The following PRKCD variants were observed in gnomAD, a reference collection of about 807,000 sequenced individuals.
PRKCD encodes the protein protein kinase C delta type.
PRKCD carries 20 observed loss-of-function variants against 82.2 expected under a neutral mutation model. That is an observed-to-expected ratio of 0.24 (90% confidence interval 0.17 to 0.35). The LOEUF (loss-of-function observed/expected upper bound fraction) is 0.35, where lower values mean the gene tolerates loss of function less well. Among genes scored for constraint, PRKCD ranks in the 10% least tolerant of loss-of-function variants. The pLI, the probability that PRKCD is intolerant of heterozygous loss-of-function variation, is 1.00. For synonymous variants in PRKCD, 317 were observed against 337.0 expected (o/e 0.94, Z 0.65); for missense variants, 607 against 899.0 (o/e 0.68, Z 4.15).
chr3:53,163,143 G>C (rs1471106533), intron 1 of PRKCD, among the ~76,000 whole-genome samples: 1 of 152,080 alleles, frequency 6.6e-6, no homozygotes, highest in Non-Finnish European at 1.5e-5. Flanking sequence ...CCTGGCTGAT[G>C]GGTGGTGTGA....
intron 7 of PRKCD, among the ~76,000 whole-genome samples, 172 bp from the exon 8 acceptor site, chr3:53,182,949 A>G (rs1553668053): frequency 6.6e-6 from 1 of 152,098 alleles, no homozygotes; most frequent in African/African-American, 2.4e-5. Context: ...TCCTCCTTCG[A>G]GGGCTGGCAG....
intron 1 of PRKCD, among the ~76,000 whole-genome samples, chr3:53,164,351 G>A (rs1241464712): frequency 2.6e-5 from 4 of 152,194 alleles, no homozygotes; most frequent in Non-Finnish European, 5.9e-5. Flanking sequence ...TTGGGAAGCC[G>A]AGGCAGGTGG....
At chr3:53,186,361 C>T in intron 13 of PRKCD, 21 bp downstream of exon 13, 1 of 1,613,320 alleles carries the variant, frequency 6.2e-7, no homozygotes, top group Non-Finnish European at 8.5e-7. Context: ...CTCCTGCCGT[C>T]ACCACCCCAT....
chr3:53,171,448 GCCCCCAGC>G (rs1386626155), intron 2 of PRKCD, among the ~76,000 whole-genome samples: 5 of 152,196 alleles, frequency 3.3e-5, no homozygotes, highest in Admixed American at 3.3e-4. Context: ...CAGATCGAAG[GCCCCCAGC>G]CAACAGGTCC....
intron 1 of PRKCD, among the ~76,000 whole-genome samples, chr3:53,164,058 G>T (rs1425231284): frequency 6.6e-6 from 1 of 152,200 alleles, no homozygotes; most frequent in African/African-American, 2.4e-5. Flanking sequence ...TGGTGATGGG[G>T]GTCTCCAGCT....
In PRKCD at chr3:53,192,374, C is replaced by T; in HGVS notation, c.*108C>T. 1 of 1,369,862 alleles carries T rather than the reference C, an allele frequency of 7.3e-7. No homozygotes were observed. The highest frequency in any genetic ancestry group is 2.3e-5 in the East Asian group (1 of 43,228). 84.9% of individuals were successfully genotyped at this position (1,369,862 alleles called of 1,614,324 possible). A position where few individuals can be genotyped will look rare whatever the true frequency, so the allele number is the denominator to read the frequency against. On this transcript the variant is annotated 3_prime_UTR_variant, in exon 19 of 19. Transcript: ENST00000330452. ...ACTTCTGCTGCTGGCCCCGCCCCTG[C>T]CCCCAGAGCGTCCTTGGCTGCCGTC...
chr3:53,172,860 C>G (rs1703084944), intron 2 of PRKCD, among the ~76,000 whole-genome samples: 2 of 152,214 alleles, frequency 1.3e-5, no homozygotes, highest in Non-Finnish European at 2.9e-5. Context: ...GCTTACTCCT[C>G]TGACCAACAG....
At position 53,178,524 on chromosome 3, in the gene PRKCD, G is replaced by C; in HGVS notation, c.102G>C (p.Glu34Asp). 6.2e-7 allele frequency: 1 copy of C among 1,612,884 alleles called. No homozygotes were observed. Among genetic ancestry groups the C allele is most frequent in the East Asian group, 2.2e-5 (1 of 44,862 alleles). ...NQPFCAVKMKEALSTERGKTL... is the reference protein window; with the variant it reads ...NQPFCAVKMKDALSTERGKTL... ...CCTTCTGTGCCGTGAAGATGAAGGA[G>C]GCGCTCAGCACAGGTAGGCCTGGAG... The change falls in exon 3 of 19, where the codon GAG becomes GAC. Residue 34 changes from glutamate (E) to aspartate (D), a missense_variant. Coordinates refer to ENST00000330452, the MANE Select transcript of PRKCD (RefSeq NM_006254.4).
At chr3:53,175,762 T>G (rs782761274) in intron 2 of PRKCD, among the ~76,000 whole-genome samples, 21 of 152,314 alleles carry the variant, frequency 1.4e-4, no homozygotes, top group Non-Finnish European at 2.5e-4. Flanking sequence ...CTGCATCTGC[T>G]GGGATTAGGC....
chr3:53,164,623 A>G (rs1050393711), intron 1 of PRKCD, among the ~76,000 whole-genome samples: 1 of 152,026 alleles, frequency 6.6e-6, no homozygotes, highest in Non-Finnish European at 1.5e-5. Context: ...TGGCATTCTC[A>G]ACATGAGTCC....
At chr3:53,172,108 G>A (rs1703052620) in intron 2 of PRKCD, among the ~76,000 whole-genome samples, 1 of 152,068 alleles carries the variant, frequency 6.6e-6, no homozygotes, top group Non-Finnish European at 1.5e-5. Context: ...GCTGTGACCT[G>A]AGTCCATAGA....
At position 53,181,681 on chromosome 3, in the gene PRKCD, G is replaced by T. The variant is rs576834921; in HGVS notation, c.540-20G>T. 3 of 1,612,462 alleles carry T rather than the reference G, an allele frequency of 1.9e-6. No homozygotes were observed. In the South Asian group the frequency reaches 3.3e-5, roughly 18 times the overall value. On this transcript the variant is annotated intron_variant, in intron 6 of 18. Coordinates refer to ENST00000330452, the MANE Select transcript of PRKCD (RefSeq NM_006254.4). ...ATCCCGGTCCCCGCTCACTCACTTTGCCTGGGTTTTGCCTTTCAGGGGCCT... is the reference window on the plus strand; with the variant it reads ...ATCCCGGTCCCCGCTCACTCACTTTTCCTGGGTTTTGCCTTTCAGGGGCCT...
chr3:53,165,598 T>A (rs1553663732), intron 2 of PRKCD, among the ~76,000 whole-genome samples: 1 of 152,178 alleles, frequency 6.6e-6, no homozygotes, highest in East Asian at 1.9e-4. Context: ...CAAACTCACC[T>A]CATCATCACA....
Position 53,185,584 on chromosome 3 carries a change from C to A in PRKCD, c.889-20C>A, listed in dbSNP as rs369329996. On this transcript the variant is annotated intron_variant, in intron 10 of 18. Transcript: ENST00000330452. The stretch of plus-strand genomic sequence containing the variant: ...ATAATGGTCTGACCATCTGGCCCCC[C>A]ACCTCTGCTCCCTCCCCAGAGAGCC... 57 of 1,607,336 alleles carry A rather than the reference C, an allele frequency of 3.5e-5. No individual in the cohort carries two copies. Among genetic ancestry groups the A allele is most frequent in the Non-Finnish European group, 4.5e-5 (53 of 1,174,872 alleles).
chr3:53,190,195 G>A (rs527876357), intron 18 of PRKCD, among the ~76,000 whole-genome samples, 194 bp downstream of exon 18: 3 of 152,320 alleles, frequency 2.0e-5, no homozygotes, highest in Non-Finnish European at 4.4e-5. Flanking sequence ...ACTGGGGACT[G>A]TGGATCCCAC....
chr3:53,171,526 G>A (rs527340990), intron 2 of PRKCD, among the ~76,000 whole-genome samples: 3 of 152,210 alleles, frequency 2.0e-5, no homozygotes, highest in South Asian at 2.1e-4. Context: ...CCTGCGTGGC[G>A]CATCCTACAG....
intron 2 of PRKCD, among the ~76,000 whole-genome samples, chr3:53,168,502 A>C (rs1553664270): frequency 6.6e-6 from 1 of 152,156 alleles, no homozygotes. Flanking sequence ...GCTTAGGAGC[A>C]GGACTTCTGC....
In PRKCD at chr3:53,179,918, T is replaced by G. The variant is rs1298865883; in HGVS notation, c.315+142T>G. The G allele has an allele frequency of 7.0e-6, 7 of 994,988 alleles. No individual in the cohort carries two copies. In the Admixed American group the frequency reaches 1.6e-4, roughly 23 times the overall value. 61.6% of individuals were successfully genotyped at this position (994,988 alleles called of 1,614,324 possible). On this transcript the variant is annotated intron_variant, in intron 4 of 18. Transcript: ENST00000330452. ...CACCGGGCCCTGTGCTGGCCACCAG[T>G]CCAGCCCTGTGGCCAACATGTCCTG...
chr3:53,174,981 C>T (rs532135140), intron 2 of PRKCD, among the ~76,000 whole-genome samples: 35 of 152,322 alleles, frequency 2.3e-4, no homozygotes, highest in African/African-American at 8.4e-4. Flanking sequence ...CTGGGCTCTG[C>T]CTCACCCTCC....
Sources: gnomAD v4.1 joint callset for allele counts (sites outside exome capture counted in the v4.1 genomes callset) on GRCh38, gnomAD v4.1.1 for gene constraint, MANE v1.5 for transcripts, NCBI Gene and HGNC (gene_info 2026-07-23, HGNC 2026-07-21) for gene names.